The following BABAM2 variants were observed in gnomAD, a reference collection of about 807,000 sequenced individuals.
BABAM2 encodes the protein BRISC and BRCA1 A complex member 2.
Under a neutral mutation model 54.7 loss-of-function variants are expected in BABAM2, and 31 were observed. The observed-to-expected ratio is 0.57, with a 90% CI of 0.43 to 0.77. The LOEUF is 0.77. BABAM2 is among the 30% of genes least tolerant of loss of function. BABAM2 has a pLI of 0.00. For missense variants in BABAM2, 364 were observed against 455.8 expected (o/e 0.80, Z 1.83); for synonymous variants, 167 against 162.9 (o/e 1.03, Z -0.19).
intron 7 of BABAM2, among the ~76,000 whole-genome samples, chr2:28,229,367 G>T (rs1445556466): frequency 6.6e-6 from 1 of 152,160 alleles, no homozygotes; most frequent in Non-Finnish European, 1.5e-5. Flanking sequence ...CTCATAGGTT[G>T]ATATGAAGAA....
At chr2:28,095,957 T>A (rs1342677732) in intron 6 of BABAM2, among the ~76,000 whole-genome samples, 1 of 152,186 alleles carries the variant, frequency 6.6e-6, no homozygotes, top group Admixed American at 6.5e-5. Flanking sequence ...ATGAGAAATC[T>A]GAGGACCAGG....
At chr2:28,299,096 G>A (rs193044339) in intron 11 of BABAM2, among the ~76,000 whole-genome samples, 4 of 152,230 alleles carry the variant, frequency 2.6e-5, no homozygotes, top group South Asian at 2.1e-4. Flanking sequence ...ACCTCATTGC[G>A]TCTCTGCAGT....
chr2:28,260,644 C>G (rs901768013), intron 10 of BABAM2, among the ~76,000 whole-genome samples: 5 of 152,108 alleles, frequency 3.3e-5, no homozygotes, highest in African/African-American at 1.2e-4. Context: ...TCTTTTACAT[C>G]CTTTGCCTTT....
intron 10 of BABAM2, among the ~76,000 whole-genome samples, chr2:28,270,679 T>G (rs1685348848): frequency 6.6e-6 from 1 of 152,226 alleles, no homozygotes; most frequent in Non-Finnish European, 1.5e-5. Flanking sequence ...TGCTATCTTC[T>G]GCTGTTTCTA....
intron 6 of BABAM2, among the ~76,000 whole-genome samples, chr2:28,080,200 A>C (rs1170610362): frequency 6.6e-6 from 1 of 152,132 alleles, no homozygotes; most frequent in Non-Finnish European, 1.5e-5. Context: ...GGGGAAAGTA[A>C]AGAAACCTCT....
chr2:28,173,846 A>G (rs1674631190), intron 7 of BABAM2, among the ~76,000 whole-genome samples: 1 of 152,210 alleles, frequency 6.6e-6, no homozygotes. Context: ...ATTCAATAGT[A>G]CAGGTTGGTA....
In BABAM2 at chr2:28,245,537, G is replaced by A. The variant is rs190319253; in HGVS notation, c.934+675G>A. Among the ~76,000 whole-genome samples the A allele has an allele frequency of 6.9e-4, 105 of 152,302 alleles. 1 individual carries two copies. The highest frequency in any genetic ancestry group is 2.4e-3 in the African/African-American group (100 of 41,566). On this transcript the variant is annotated intron_variant, in intron 10 of 11. Transcript: ENST00000379624. ...ACATCGACCCAGCTTTCTCTTGATA[G>A]ATAATTTAGAGTCTTTTTATTTCCT... is the stretch of plus-strand genomic sequence containing the variant.
At chr2:27,898,431 C>T (rs747723439) in intron 2 of BABAM2, among the ~76,000 whole-genome samples, 4 of 152,060 alleles carry the variant, frequency 2.6e-5, no homozygotes, top group Non-Finnish European at 5.9e-5. Flanking sequence ...TCTGTGTAGC[C>T]AGAGGCAGTT....
intron 7 of BABAM2, among the ~76,000 whole-genome samples, chr2:28,177,509 A>G (rs1049000868): frequency 6.6e-6 from 1 of 152,186 alleles, no homozygotes; most frequent in African/African-American, 2.4e-5. Flanking sequence ...AGGAAGGGAA[A>G]GGACTCAAGT....
chr2:28,072,052 A>G (rs1664192515), intron 6 of BABAM2, among the ~76,000 whole-genome samples: 1 of 152,056 alleles, frequency 6.6e-6, no homozygotes, highest in African/African-American at 2.4e-5. Flanking sequence ...ACAGGGTCTC[A>G]CTCTGCTGCC....
intron 6 of BABAM2, among the ~76,000 whole-genome samples, chr2:28,128,718 A>G (rs1213506814): frequency 6.6e-6 from 1 of 152,154 alleles, no homozygotes; most frequent in Non-Finnish European, 1.5e-5. Flanking sequence ...TAAGATATGT[A>G]TGTCTCATGA....
At chr2:28,309,872 G>T (rs1688917240) in intron 11 of BABAM2, 5 of 554,116 alleles carry the variant, frequency 9.0e-6, no homozygotes, top group East Asian at 3.0e-5. Flanking sequence ...GTCAGTGCTG[G>T]TGAGCGACAC....
intron 4 of BABAM2, chr2:28,016,361 C>T (rs1573396826): frequency 7.6e-7 from 1 of 1,310,686 alleles, no homozygotes; most frequent in East Asian, 2.3e-5. Flanking sequence ...TACTTCTTCC[C>T]AGGTAGGCCT....
At chr2:28,201,892 G>A (rs935043424) in intron 7 of BABAM2, among the ~76,000 whole-genome samples, 9 of 151,878 alleles carry the variant, frequency 5.9e-5, no homozygotes, top group Non-Finnish European at 1.0e-4. Context: ...TAGAGATGAA[G>A]CCCCGAATGG....
intron 7 of BABAM2, among the ~76,000 whole-genome samples, chr2:28,154,844 T>A (rs896290411): frequency 5.3e-5 from 8 of 152,238 alleles, no homozygotes; most frequent in Non-Finnish European, 1.0e-4. Context: ...AGTGTAACTA[T>A]TAACAGAGTT....
intron 3 of BABAM2, chr2:27,930,144 C>T (rs571736199): frequency 6.2e-4 from 257 of 416,982 alleles, no homozygotes; most frequent in Non-Finnish European, 9.9e-4. Context: ...TTTAGGCATG[C>T]CCGGTAATTT....
At chr2:27,920,016 C>T (rs1667235670) in intron 2 of BABAM2, among the ~76,000 whole-genome samples, 1 of 152,050 alleles carries the variant, frequency 6.6e-6, no homozygotes. Flanking sequence ...GAATCCTATG[C>T]TAAGAATTAA....
At chr2:27,931,071 G>GTAGAATCAA (rs1668057758) in intron 3 of BABAM2, among the ~76,000 whole-genome samples, 3 of 152,104 alleles carry the variant, frequency 2.0e-5, no homozygotes, top group Middle Eastern at 3.2e-3. Flanking sequence ...AGAATCACTT[G>GTAGAATCAA]ATACTAATTT....
At chr2:28,019,981 G>A (rs1044065060) in intron 4 of BABAM2, among the ~76,000 whole-genome samples, 8 of 152,138 alleles carry the variant, frequency 5.3e-5, no homozygotes, top group African/African-American at 1.9e-4. Context: ...TTAGATGAAT[G>A]CAACACAAAA....
Sources: gnomAD v4.1 joint callset for allele counts (sites outside exome capture counted in the v4.1 genomes callset) on GRCh38, gnomAD v4.1.1 for gene constraint, MANE v1.5 for transcripts, NCBI Gene and HGNC (gene_info 2026-07-23, HGNC 2026-07-21) for gene names.